Variants in ARSK observed in about 807,000 individuals in gnomAD.
ARSK encodes arylsulfatase family member K.
Under a neutral mutation model 53.2 loss-of-function variants are expected in ARSK, and 37 were observed. That is an observed-to-expected ratio of 0.70 (90% CI 0.54 to 0.92). ARSK has a LOEUF of 0.92. ARSK is among the 40% of genes least tolerant of loss of function. The pLI is 0.00. For missense variants in ARSK, 613 were observed against 643.0 expected, an observed-to-expected ratio of 0.95 and a Z score of 0.51; for synonymous variants, 208 against 223.2, an observed-to-expected ratio of 0.93 and a Z score of 0.61.
chr5:95,556,306 C>G, intron 1 of ARSK: 1 of 696,354 alleles, frequency 1.4e-6, no homozygotes, highest in Non-Finnish European at 2.6e-6. Context: ...AGAGAATGGG[C>G]AGTACTGGAA....
intron 5 of ARSK, among the ~76,000 whole-genome samples, chr5:95,588,757 A>G (rs1442763975): frequency 6.6e-6 from 1 of 151,980 alleles, no homozygotes. Flanking sequence ...AGGTCAAGGG[A>G]TCAAGACCAT....
In ARSK at chr5:95,603,532, A is replaced by C. The variant is rs113959878; in HGVS notation, c.*6A>C. 2 of 1,579,504 alleles carry C rather than the reference A, an allele frequency of 1.3e-6. No individual in the cohort carries two copies. Among genetic ancestry groups the C allele is most frequent in the Non-Finnish European group, 8.6e-7 (1 of 1,166,304 alleles). On this transcript the variant is annotated 3_prime_UTR_variant, in exon 8 of 8. Transcript: ENST00000380009. ...TGAATCCAAGAGCAGTTTGAACAAA[A>C]AGTTTAAAAATAGTGTTCTAGAGAT... is the stretch of plus-strand genomic sequence containing the variant.
At position 95,555,530 on chromosome 5, in the gene ARSK, A is replaced by G. The variant is rs972801170; in HGVS notation, c.126+126A>G. 11 of 1,048,112 alleles carry G rather than the reference A, an allele frequency of 1.0e-5. No homozygotes were observed. The African/African-American group carries it at 1.8e-4, about 17-fold the overall frequency. The allele number at this position is 1,048,112 out of a possible 1,614,324, so 64.9% of individuals were successfully genotyped here. ...TTCAAACACCTTTTACCCCGATGCA[A>G]AGAAAGAAATACATTTTATGTGAGG... On this transcript the variant is annotated intron_variant, in intron 1 of 7. Transcript: ENST00000380009. This position sits in a 1 kb window ranked among gnomAD's most constrained non-coding sequence, Gnocchi z 4.0.
In ARSK at chr5:95,567,944, G is replaced by T. The variant is rs924933138; in HGVS notation, c.311G>T (p.Gly104Val). The change falls in exon 3 of 8, where the codon GGT (glycine) becomes GTT (valine). Residue 104 changes from glycine (G) to valine (V), a missense_variant. By Grantham distance (109) the Gly-to-Val change is moderately radical (BLOSUM62 -3). Transcript: ENST00000380009. The part of the protein sequence containing the change: ...HLTESWNNFK[G>V]LDPNYTTWMD... ...ACAGAATCTTGGAATAATTTTAAGGGTCTAGATCCAAATTATACAACATGG... is the reference window on the plus strand; with the variant it reads ...ACAGAATCTTGGAATAATTTTAAGGTTCTAGATCCAAATTATACAACATGG... 1.2e-6 allele frequency: 2 copies of T among 1,613,198 alleles called. No individual in the cohort carries two copies. Among genetic ancestry groups the T allele is most frequent in the Admixed American group, 1.7e-5 (1 of 59,960 alleles).
intron 3 of ARSK, among the ~76,000 whole-genome samples, chr5:95,573,056 C>A (rs1748861982): frequency 6.6e-6 from 1 of 152,162 alleles, no homozygotes; most frequent in Admixed American, 6.5e-5. Flanking sequence ...AAAGAATCAT[C>A]AAGTCCAAAA....
chr5:95,564,987 A>G (rs982382018), intron 1 of ARSK, among the ~76,000 whole-genome samples: 1 of 152,166 alleles, frequency 6.6e-6, no homozygotes, highest in African/African-American at 2.4e-5. Flanking sequence ...TGTATCCAAC[A>G]GCCTACTTTA....
At position 95,602,067 on chromosome 5, in the gene ARSK, G is replaced by A. The variant is rs150045818; in HGVS notation, c.1321+996G>A. Among the ~76,000 whole-genome samples the A allele has an allele frequency of 2.9e-3, 446 of 152,116 alleles. 1 individual carries two copies. Among genetic ancestry groups the A allele is most frequent in the African/African-American group, 9.9e-3 (410 of 41,494 alleles). On this transcript the variant is annotated intron_variant, in intron 7 of 7. Transcript: ENST00000380009. Reference sequence around the variant, plus strand: ...AAAAGAGAATCACAATAACCAATCCGAAGGGGCTCATTTTACCTGAACCAG... The same window carrying A: ...AAAAGAGAATCACAATAACCAATCCAAAGGGGCTCATTTTACCTGAACCAG...
intron 3 of ARSK, among the ~76,000 whole-genome samples, chr5:95,571,870 A>G (rs1748837386): frequency 6.6e-6 from 1 of 152,204 alleles, no homozygotes; most frequent in Non-Finnish European, 1.5e-5. Flanking sequence ...TTCAGTGTAA[A>G]CTTAAAAATG....
intron 3 of ARSK, among the ~76,000 whole-genome samples, chr5:95,571,893 A>C (rs1395101746): frequency 6.6e-6 from 1 of 152,228 alleles, no homozygotes; most frequent in Non-Finnish European, 1.5e-5. Flanking sequence ...TCTCAGAACA[A>C]AACATGGTCT....
intron 7 of ARSK, among the ~76,000 whole-genome samples, chr5:95,602,301 G>T (rs1749415184): frequency 2.0e-5 from 3 of 152,126 alleles, no homozygotes; most frequent in African/African-American, 7.2e-5. Flanking sequence ...AAGCCAATTT[G>T]TTCTTTAAAT....
intron 4 of ARSK, 47 bp downstream of exon 4, chr5:95,583,245 G>A: frequency 7.2e-7 from 1 of 1,385,914 alleles, no homozygotes; most frequent in Non-Finnish European, 9.5e-7. Context: ...TATATATGTG[G>A]CTTATTGGTA....
intron 3 of ARSK, among the ~76,000 whole-genome samples, chr5:95,573,831 A>G (rs1338823509): frequency 2.0e-5 from 3 of 152,218 alleles, no homozygotes; most frequent in Non-Finnish European, 4.4e-5. Context: ...AGGTAAGTGG[A>G]GTATCCGTCC....
intron 3 of ARSK, among the ~76,000 whole-genome samples, chr5:95,576,142 T>G (rs1487008855): frequency 6.6e-6 from 1 of 152,040 alleles, no homozygotes; most frequent in African/African-American, 2.4e-5. Flanking sequence ...TCAGTTGAAA[T>G]GATCATATGG....
At position 95,600,853 on chromosome 5, in the gene ARSK, C is replaced by T; in HGVS notation, c.1103C>T (p.Ala368Val). The T allele has an allele frequency of 6.2e-7, 1 of 1,612,916 alleles. No homozygotes were observed. The highest frequency in any genetic ancestry group is 8.5e-7 in the Non-Finnish European group (1 of 1,178,980). Residue 368 changes from alanine (A) to valine (V), a missense_variant, in exon 7 of 8, where the codon GCT (alanine) becomes GTT (valine). Coordinates refer to ENST00000380009, the MANE Select transcript of ARSK (RefSeq NM_198150.3). Reference protein sequence around the residue: ...VDIYPTMLDIAGIPLPQNLSG... With the variant: ...VDIYPTMLDIVGIPLPQNLSG... ...GGTTATTTTTGTTACATAGATATTG[C>T]TGGAATTCCTCTGCCTCAGAACCTG...
intron 3 of ARSK, among the ~76,000 whole-genome samples, chr5:95,581,261 T>TA (rs981925122): frequency 1.3e-5 from 2 of 151,942 alleles, no homozygotes; most frequent in Non-Finnish European, 2.9e-5. Context: ...GGAACACAGT[T>TA]AAAAAAAATA....
rs1243106862 is a variant in ARSK at position 95,560,873 on chromosome 5, C to T, written c.127-5125C>T. Among the ~76,000 whole-genome samples, 25 of 148,626 alleles carry T rather than the reference C, an allele frequency of 1.7e-4. 1 individual carries two copies. The highest frequency in any genetic ancestry group is 1.6e-3 in the Admixed American group (23 of 14,742). The stretch of plus-strand genomic sequence containing the variant: ...AGGCCGGAGTGCAGTGGCGCAATCT[C>T]GGCTTACTGCAACTTCTGCCTCCCA... On this transcript the variant is annotated intron_variant, in intron 1 of 7. Transcript: ENST00000380009.
intron 1 of ARSK, among the ~76,000 whole-genome samples, chr5:95,561,455 A>C (rs1408035916): frequency 6.6e-6 from 1 of 152,258 alleles, no homozygotes; most frequent in Non-Finnish European, 1.5e-5. Context: ...AAACTTCTAC[A>C]TGAATGTTCA....
At chr5:95,558,661 G>A (rs1047712152) in intron 1 of ARSK, among the ~76,000 whole-genome samples, 1 of 152,126 alleles carries the variant, frequency 6.6e-6, no homozygotes, top group African/African-American at 2.4e-5. Context: ...GACTCAAGAA[G>A]AAATAGGCAA....
At chr5:95,596,372 T>C (rs775630890) in intron 6 of ARSK, among the ~76,000 whole-genome samples, 1 of 152,188 alleles carries the variant, frequency 6.6e-6, no homozygotes, top group Non-Finnish European at 1.5e-5. Flanking sequence ...TCTTTATTAG[T>C]TTAGCTGTAG....
Sources: gnomAD v4.1 joint callset for allele counts (sites outside exome capture counted in the v4.1 genomes callset) on GRCh38, gnomAD v4.1.1 for gene constraint, Gnocchi (gnomAD v3.1) non-coding constraint, MANE v1.5 for transcripts, NCBI Gene and HGNC (gene_info 2026-07-23, HGNC 2026-07-21) for gene names.